Variants in WDR27 observed in about 807,000 individuals in gnomAD.
The protein encoded by WDR27 is WD repeat domain 27.
In WDR27, 100 loss-of-function variants were observed where a neutral mutation model predicts 114.4. That is an observed-to-expected ratio of 0.87 (90% confidence interval 0.74 to 1.03). WDR27 has a LOEUF of 1.03. WDR27 is among the 50% of genes least tolerant of loss of function. The probability of loss-of-function intolerance (pLI) is 0.00; values close to 1 mark genes in which losing one functional copy is unlikely to be tolerated. For missense variants in WDR27, 1,129 were observed against 1,092.9 expected (o/e 1.03, Z -0.47); for synonymous variants, 449 against 423.1 (o/e 1.06, Z -0.75).
intron 2 of WDR27, among the ~76,000 whole-genome samples, chr6:169,681,163 G>C (rs1781428073): frequency 6.6e-6 from 1 of 152,156 alleles, no homozygotes; most frequent in South Asian, 2.1e-4. Flanking sequence ...AATGCATAAA[G>C]TATAGTATAT....
chr6:169,563,228 A>G (rs553273628), intron 25 of WDR27, among the ~76,000 whole-genome samples: 6 of 152,234 alleles, frequency 3.9e-5, no homozygotes, highest in Non-Finnish European at 7.4e-5. Flanking sequence ...AGTTGAACCC[A>G]GCCTCCTCCA....
intron 25 of WDR27, among the ~76,000 whole-genome samples, chr6:169,479,375 C>CA (rs934311044): frequency 6.6e-6 from 1 of 151,790 alleles, no homozygotes; most frequent in Non-Finnish European, 1.5e-5. Flanking sequence ...ATTAAAAAGC[C>CA]AAAAAACAGA....
intron 25 of WDR27, among the ~76,000 whole-genome samples, chr6:169,542,724 A>G (rs926106880): frequency 6.6e-6 from 1 of 152,090 alleles, no homozygotes; most frequent in African/African-American, 2.4e-5. Context: ...TAAAGTGTTT[A>G]GGCATAAAGG....
rs1784389931 is a variant in WDR27, at chr6:169,691,101, G to C, written c.-7-2089C>G. On this transcript the variant is annotated intron_variant, in intron 1 of 25. Coordinates refer to ENST00000448612, the MANE Select transcript of WDR27 (RefSeq NM_182552.5). ...GTGGTGGCGGGCACCTGTGGTCCCA[G>C]CTACTCAAGAGGCTGAGGCAGGAGA... 2.6e-5 allele frequency among the ~76,000 whole-genome samples: 4 copies of C among 152,134 alleles called. No homozygotes were observed. The South Asian group carries it at 8.3e-4, about 32-fold the overall frequency.
chr6:169,477,330 G>A (rs965519515), intron 25 of WDR27, among the ~76,000 whole-genome samples: 2 of 152,160 alleles, frequency 1.3e-5, no homozygotes, highest in East Asian at 3.8e-4. Flanking sequence ...CAAATAAAAC[G>A]TACCCCATTC....
intron 25 of WDR27, among the ~76,000 whole-genome samples, chr6:169,527,942 C>T (rs1583989339): frequency 6.6e-6 from 1 of 152,034 alleles, no homozygotes; most frequent in African/African-American, 2.4e-5. Flanking sequence ...CAAATAATAC[C>T]TAAAATTTGT....
intron 25 of WDR27, among the ~76,000 whole-genome samples, chr6:169,512,001 G>A (rs183071371): frequency 6.6e-6 from 1 of 152,274 alleles, no homozygotes. Context: ...TCATGTATCT[G>A]CAGATGGCAG....
At chr6:169,546,514 C>G (rs550840349) in intron 25 of WDR27, among the ~76,000 whole-genome samples, 76 of 152,154 alleles carry the variant, frequency 5.0e-4, no homozygotes, top group Non-Finnish European at 9.3e-4. Context: ...TGTGTATCCA[C>G]AGTCTCCTCA....
chr6:169,589,065 G>T (rs948734495), intron 23 of WDR27, among the ~76,000 whole-genome samples: 1 of 152,080 alleles, frequency 6.6e-6, no homozygotes, highest in African/African-American at 2.4e-5. Flanking sequence ...AATCTCACAG[G>T]TGTTTCCAAA....
At chr6:169,431,082 C>G in the WDR27 span, among the ~76,000 whole-genome samples, 1 of 152,176 alleles carries the variant, frequency 6.6e-6, no homozygotes, top group Non-Finnish European at 1.5e-5. Context: ...TGCCATGGCT[C>G]TAAGGCCAGT....
intron 25 of WDR27, among the ~76,000 whole-genome samples, chr6:169,525,996 C>G (rs1189839492): frequency 6.6e-6 from 1 of 152,158 alleles, no homozygotes; most frequent in Non-Finnish European, 1.5e-5. Flanking sequence ...ATAAATATTG[C>G]ACATTCCCCC....
chr6:169,590,507 C>A (rs1205816206), intron 23 of WDR27, among the ~76,000 whole-genome samples: 12 of 152,254 alleles, frequency 7.9e-5, no homozygotes, highest in Non-Finnish European at 1.5e-4. Context: ...AGAAGCCTTG[C>A]CTCCTTACAG....
At chr6:169,644,003 T>TAGAAAACCC (rs2128231423) in intron 16 of WDR27, among the ~76,000 whole-genome samples, 1 of 151,416 alleles carries the variant, frequency 6.6e-6, no homozygotes, top group East Asian at 1.9e-4. Context: ...AGTCACACTG[T>TAGAAAACCC]TGAAAAGCCT....
intron 17 of WDR27, among the ~76,000 whole-genome samples, chr6:169,642,590 G>A (rs554549549): frequency 2.0e-5 from 3 of 152,298 alleles, no homozygotes; most frequent in Admixed American, 6.5e-5. Context: ...CCGGAGAACC[G>A]TTCTCCACCC....
intron 25 of WDR27, among the ~76,000 whole-genome samples, chr6:169,466,462 A>C (rs1023014393): frequency 1.3e-5 from 2 of 152,252 alleles, no homozygotes; most frequent in Admixed American, 1.3e-4. Flanking sequence ...AGGGGGAAAA[A>C]CCCCTTATAA....
At chr6:169,443,757 G>A in the WDR27 span, among the ~76,000 whole-genome samples, 1 of 152,296 alleles carries the variant, frequency 6.6e-6, no homozygotes, top group South Asian at 2.1e-4. Flanking sequence ...GTGGTTCCTA[G>A]CAGCTCTTGG....
intron 25 of WDR27, among the ~76,000 whole-genome samples, chr6:169,479,408 A>T (rs568273463): frequency 3.3e-4 from 51 of 152,320 alleles, no homozygotes; most frequent in Non-Finnish European, 5.6e-4. Context: ...AACCAATAAA[A>T]ATCACAAAAG....
At chr6:169,452,196 C>T in the WDR27 span, among the ~76,000 whole-genome samples, 4 of 152,222 alleles carry the variant, frequency 2.6e-5, no homozygotes, top group East Asian at 3.9e-4. Flanking sequence ...GTTTTGTTTT[C>T]GTTTCCTCAT....
intron 23 of WDR27, among the ~76,000 whole-genome samples, chr6:169,586,244 A>G (rs1562636364): frequency 6.6e-6 from 1 of 152,158 alleles, no homozygotes; most frequent in Non-Finnish European, 1.5e-5. Flanking sequence ...GCCCTGTCAT[A>G]AATCCCGTGA....
Sources: gnomAD v4.1 joint callset for allele counts (sites outside exome capture counted in the v4.1 genomes callset) on GRCh38, gnomAD v4.1.1 for gene constraint, MANE v1.5 for transcripts, NCBI Gene and HGNC (gene_info 2026-07-23, HGNC 2026-07-21) for gene names.